The following AGBL1 variants were observed in gnomAD, a reference collection of about 807,000 sequenced individuals.
AGBL1 encodes the protein AGBL carboxypeptidase 1.
A neutral mutation model predicts 118.9 loss-of-function variants in AGBL1; 130 were observed. That is an observed-to-expected ratio of 1.09 (90% CI 0.95 to 1.26). The LOEUF (loss-of-function observed/expected upper bound fraction) is 1.26. Ranked by LOEUF, AGBL1 falls within the 50% of genes most tolerant of loss-of-function variation. The pLI is 0.00. For missense variants in AGBL1, 1,584 were observed against 1,298.1 expected (o/e 1.22, Z -3.38); for synonymous variants, 555 against 478.9 (o/e 1.16, Z -2.08).
chr15:86,453,330 A>C (rs1409961861), intron 18 of AGBL1, among the ~76,000 whole-genome samples: 2 of 152,242 alleles, frequency 1.3e-5, no homozygotes, highest in Non-Finnish European at 2.9e-5. Flanking sequence ...AGAAACAGAC[A>C]GATACCTAAA....
chr15:86,405,807 A>G (rs1319972485), intron 18 of AGBL1, among the ~76,000 whole-genome samples: 1 of 152,166 alleles, frequency 6.6e-6, no homozygotes, highest in Non-Finnish European at 1.5e-5. Flanking sequence ...CGCAAGTGGT[A>G]GAAGTCTAAG....
chr15:86,802,379 C>T (rs988455935), intron 22 of AGBL1, among the ~76,000 whole-genome samples: 1 of 151,904 alleles, frequency 6.6e-6, no homozygotes, highest in Non-Finnish European at 1.5e-5. Context: ...TATCACAGAG[C>T]CTGGCACTTG....
chr15:86,110,536 C>T (rs543986456), intron 1 of AGBL1, among the ~76,000 whole-genome samples: 241 of 152,116 alleles, frequency 1.6e-3, no homozygotes, highest in Non-Finnish European at 2.8e-3. Flanking sequence ...CGGGGTTGGT[C>T]TTGCTGTCTC....
At chr15:86,779,387 C>G (rs977729086) in intron 22 of AGBL1, among the ~76,000 whole-genome samples, 3 of 152,198 alleles carry the variant, frequency 2.0e-5, no homozygotes, top group Non-Finnish European at 4.4e-5. Context: ...AAGAGGCCCA[C>G]ATGCACTAAG....
intron 22 of AGBL1, among the ~76,000 whole-genome samples, chr15:86,903,864 T>A (rs2080244877): frequency 6.6e-6 from 1 of 152,112 alleles, no homozygotes; most frequent in Admixed American, 6.6e-5. Context: ...TAGGGGACAG[T>A]CTTGTTACCA....
At chr15:86,435,064 A>G (rs1277624614) in intron 18 of AGBL1, among the ~76,000 whole-genome samples, 1 of 152,232 alleles carries the variant, frequency 6.6e-6, no homozygotes, top group East Asian at 1.9e-4. Context: ...TATGTAGGAC[A>G]GTGAGAAATA....
At chr15:86,691,283 G>A (rs2086165501) in intron 22 of AGBL1, among the ~76,000 whole-genome samples, 1 of 152,150 alleles carries the variant, frequency 6.6e-6, no homozygotes, top group Non-Finnish European at 1.5e-5. Context: ...CAAACTGCAG[G>A]GGGCAAGAGC....
At chr15:86,695,352 C>G (rs1180034867) in intron 22 of AGBL1, among the ~76,000 whole-genome samples, 3 of 151,954 alleles carry the variant, frequency 2.0e-5, no homozygotes, top group Admixed American at 6.6e-5. Flanking sequence ...ATTTATCCAT[C>G]TCCTCTAGGT....
intron 2 of AGBL1, among the ~76,000 whole-genome samples, chr15:86,143,095 T>C (rs906035628): frequency 2.0e-5 from 3 of 152,218 alleles, no homozygotes; most frequent in African/African-American, 7.2e-5. Context: ...CTGTTCAAAA[T>C]TGTACTTAGG....
intron 21 of AGBL1, among the ~76,000 whole-genome samples, chr15:86,571,443 G>A (rs531637859): frequency 6.6e-6 from 1 of 152,270 alleles, no homozygotes; most frequent in South Asian, 2.1e-4. Context: ...CCCACAGTAG[G>A]CAGCTCCTCT....
intron 15 of AGBL1, among the ~76,000 whole-genome samples, chr15:86,276,357 CTTG>C (rs1302229611): frequency 2.0e-5 from 3 of 152,170 alleles, no homozygotes; most frequent in Admixed American, 6.5e-5. Context: ...GTTTACTATA[CTTG>C]TTGTGTGGAA....
chr15:87,003,654 T>C (rs1005228000), intron 24 of AGBL1, among the ~76,000 whole-genome samples: 1 of 152,052 alleles, frequency 6.6e-6, no homozygotes, highest in Non-Finnish European at 1.5e-5. Flanking sequence ...TCAATTTCAG[T>C]GCCTGTTATT....
chr15:86,463,097 C>T (rs2142088707), intron 18 of AGBL1, among the ~76,000 whole-genome samples: 1 of 152,238 alleles, frequency 6.6e-6, no homozygotes, highest in African/African-American at 2.4e-5. Context: ...CTCTCCAGCA[C>T]CTGTTGTTTC....
chr15:86,684,181 C>T (rs914371695), intron 22 of AGBL1, among the ~76,000 whole-genome samples: 4 of 152,146 alleles, frequency 2.6e-5, no homozygotes, highest in Non-Finnish European at 5.9e-5. Flanking sequence ...GGATAAAAAG[C>T]ATCTTAGAAT....
chr15:86,966,486 C>T (rs549893449), intron 23 of AGBL1, among the ~76,000 whole-genome samples: 1 of 152,136 alleles, frequency 6.6e-6, no homozygotes, highest in East Asian at 1.9e-4. Context: ...TCCCACCACC[C>T]CACCACAGGC....
intron 6 of AGBL1, 140 bp downstream of exon 6, chr15:86,225,091 C>T (rs1160524543): frequency 2.3e-6 from 2 of 860,422 alleles, no homozygotes; most frequent in African/African-American, 1.7e-5. Flanking sequence ...AATTCCTGAC[C>T]TTGAAAGTGA....
intron 5 of AGBL1, among the ~76,000 whole-genome samples, chr15:86,210,614 G>A (rs1460341825): frequency 6.6e-6 from 1 of 152,098 alleles, no homozygotes; most frequent in Admixed American, 6.5e-5. Flanking sequence ...ATCAGCTATT[G>A]AAGCTTGAGC....
intron 22 of AGBL1, among the ~76,000 whole-genome samples, chr15:86,690,749 A>G (rs943191660): frequency 1.5e-4 from 23 of 152,034 alleles, no homozygotes. Flanking sequence ...TTCATTCCTC[A>G]ATTTCTGTTT....
rs78498815 is a variant in AGBL1 at position 86,316,466 on chromosome 15, G to T, written c.2374+21058G>T. Among the ~76,000 whole-genome samples, 967 of 152,264 alleles carry T rather than the reference G, an allele frequency of 6.4e-3. 9 individuals are homozygous for T. The highest frequency in any genetic ancestry group is 0.01 in the Non-Finnish European group (682 of 68,018). On this transcript the variant is annotated intron_variant, in intron 17 of 22. Transcript: ENST00000614907. ...ACGGAGTGGGTTTGGAAGCCTGACG[G>T]CCCTGGCTCTCATGCCTGCTCTACC...
Sources: allele counts gnomAD v4.1 joint callset (sites outside exome capture counted in the v4.1 genomes callset), GRCh38; gene constraint gnomAD v4.1.1; transcripts MANE v1.5; gene names NCBI Gene and HGNC (gene_info 2026-07-23, HGNC 2026-07-21).